CCDC102B: variants seen among roughly 807,000 people sequenced by gnomAD.
CCDC102B encodes the protein coiled-coil domain-containing protein 102B.
Under a neutral mutation model 57.4 loss-of-function variants are expected in CCDC102B, and 75 were observed. That is an observed-to-expected ratio of 1.31 (90% CI 1.08 to 1.58). The LOEUF (loss-of-function observed/expected upper bound fraction) is 1.58, where lower values mean the gene tolerates loss of function less well. Ranked by LOEUF, CCDC102B falls within the 40% of genes most tolerant of loss-of-function variation. The probability of loss-of-function intolerance (pLI) is 0.00; values close to 1 mark genes in which losing one functional copy is unlikely to be tolerated. For missense variants in CCDC102B, 636 were observed against 582.6 expected (o/e 1.09, Z -0.94); for synonymous variants, 206 against 201.9 (o/e 1.02, Z -0.17).
intron 2 of CCDC102B, among the ~76,000 whole-genome samples, chr18:68,790,327 G>A (rs1227120975): frequency 2.0e-5 from 3 of 151,658 alleles, no homozygotes; most frequent in African/African-American, 7.3e-5. Context: ...ACAGAGGCAG[G>A]CAGGCCTCCT....
intron 1 of CCDC102B, among the ~76,000 whole-genome samples, chr18:68,832,386 T>C (rs1019716942): frequency 6.6e-6 from 1 of 152,140 alleles, no homozygotes; most frequent in African/African-American, 2.4e-5. Context: ...GTTAGTTTGG[T>C]TTATTGTTTA....
At chr18:68,795,221 C>T (rs1302609078), upstream of CCDC102B, among the ~76,000 whole-genome samples, 1 of 151,896 alleles carries the variant, frequency 6.6e-6, no homozygotes, top group Non-Finnish European at 1.5e-5. Flanking sequence ...ATTGAGATTA[C>T]AAGATACAGT....
At chr18:68,932,512 T>C (rs543481793) in intron 6 of CCDC102B, among the ~76,000 whole-genome samples, 1 of 152,012 alleles carries the variant, frequency 6.6e-6, no homozygotes, top group South Asian at 2.1e-4. Flanking sequence ...TTAAAATGCA[T>C]CCTTGGTGTA....
At chr18:68,988,615 C>T (rs1366145272) in intron 6 of CCDC102B, among the ~76,000 whole-genome samples, 2 of 151,280 alleles carry the variant, frequency 1.3e-5, no homozygotes, top group Middle Eastern at 3.4e-3. Flanking sequence ...AGAATGAACT[C>T]GGAAATATAA....
At chr18:68,958,266 A>G (rs1033111163) in intron 6 of CCDC102B, among the ~76,000 whole-genome samples, 1 of 152,210 alleles carries the variant, frequency 6.6e-6, no homozygotes, top group African/African-American at 2.4e-5. Context: ...ATATCATGTC[A>G]TATGGAAATG....
chr18:68,715,730 A>T (rs2031919554), intron 1 of CCDC102B: 1 of 152,180 alleles, frequency 6.6e-6, no homozygotes, highest in South Asian at 2.1e-4. Context: ...AGTATGAAAT[A>T]TTTATATTGC....
intron 1 of CCDC102B, among the ~76,000 whole-genome samples, chr18:68,810,672 T>G (rs2036210507): frequency 2.1e-5 from 2 of 94,870 alleles, no homozygotes; most frequent in Admixed American, 1.4e-4. Flanking sequence ...TTTTCTTTTC[T>G]TTTCTTTGTT....
chr18:68,896,773 GAGAGAT>G (rs1342280127), intron 5 of CCDC102B, among the ~76,000 whole-genome samples: 4 of 151,838 alleles, frequency 2.6e-5, no homozygotes, highest in Admixed American at 1.3e-4. Context: ...TAGAGAGATA[GAGAGAT>G]AGAGATAGAG....
chr18:68,915,568 C>T (rs1277766750), intron 6 of CCDC102B, among the ~76,000 whole-genome samples: 1 of 151,980 alleles, frequency 6.6e-6, no homozygotes, highest in Non-Finnish European at 1.5e-5. Context: ...TTTTGAAATC[C>T]AGATTTGTCC....
Position 68,861,263 on chromosome 18 carries a change from A to T in CCDC102B, c.937-13406A>T, listed in dbSNP as rs544809624. ...TTTTGACGACTACCGTGCTTATTTT[A>T]TCACTTGTGCTTTTTTTCTGGAGCA... is the stretch of plus-strand genomic sequence containing the variant. On this transcript the variant is annotated intron_variant, in intron 4 of 7. Transcript: ENST00000360242. 2.7e-5 allele frequency among the ~76,000 whole-genome samples: 4 copies of T among 150,770 alleles called. No individual in the cohort carries two copies. In the East Asian group the frequency reaches 8.0e-4, roughly 30 times the overall value.
intron 7 of CCDC102B, among the ~76,000 whole-genome samples, chr18:69,018,929 A>G (rs1181962298): frequency 2.6e-5 from 4 of 151,942 alleles, no homozygotes; most frequent in South Asian, 2.1e-4. Context: ...TTCTGAGGTT[A>G]TTTTTGTGTG....
At chr18:68,891,001 T>C (rs1285793231) in intron 5 of CCDC102B, among the ~76,000 whole-genome samples, 1 of 152,212 alleles carries the variant, frequency 6.6e-6, no homozygotes, top group Non-Finnish European at 1.5e-5. Context: ...AATGTAGCTG[T>C]AAATGTTTTA....
At chr18:68,929,808 A>G (rs556828654) in intron 6 of CCDC102B, among the ~76,000 whole-genome samples, 49 of 151,282 alleles carry the variant, frequency 3.2e-4, no homozygotes, top group African/African-American at 1.2e-3. Flanking sequence ...CAAATTACAT[A>G]CTTTAAGTAT....
intron 2 of CCDC102B, among the ~76,000 whole-genome samples, chr18:68,765,293 AAAGGAAGGAAGGAAGG>A (rs149557152): frequency 2.4e-3 from 252 of 104,166 alleles, no homozygotes; most frequent in Middle Eastern, 0.01. Context: ...GAAAAGAAAG[AAAGGAAGGAAGGAAGG>A]AAGGAAGGAA....
At chr18:68,961,658 A>T (rs953451698) in intron 6 of CCDC102B, among the ~76,000 whole-genome samples, 1 of 152,090 alleles carries the variant, frequency 6.6e-6, no homozygotes, top group Non-Finnish European at 1.5e-5. Flanking sequence ...TTTGAAATGA[A>T]TAACAAAGCT....
At chr18:68,810,343 A>T (rs749395965) in intron 1 of CCDC102B, among the ~76,000 whole-genome samples, 45 of 152,186 alleles carry the variant, frequency 3.0e-4, no homozygotes, top group Admixed American at 7.9e-4. Context: ...ATTTGCATAT[A>T]CACACTCAGC....
At chr18:68,848,035 T>A (rs1176341530) in intron 4 of CCDC102B, among the ~76,000 whole-genome samples, 4 of 151,804 alleles carry the variant, frequency 2.6e-5, no homozygotes, top group East Asian at 3.8e-4. Flanking sequence ...GTGAAATTTT[T>A]AAAAATGTTT....
chr18:68,787,342 TA>T (rs2035252457), intron 2 of CCDC102B, among the ~76,000 whole-genome samples: 1 of 151,944 alleles, frequency 6.6e-6, no homozygotes, highest in African/African-American at 2.4e-5. Flanking sequence ...GCTGGCCTCA[TA>T]AAATGAGTTA....
chr18:68,948,681 C>T (rs575909481), intron 6 of CCDC102B, among the ~76,000 whole-genome samples: 5 of 152,140 alleles, frequency 3.3e-5, no homozygotes, highest in African/African-American at 1.2e-4. Context: ...CTCTATTATG[C>T]CTGTTCACTC....
Sources: allele counts gnomAD v4.1 joint callset (sites outside exome capture counted in the v4.1 genomes callset), GRCh38; gene constraint gnomAD v4.1.1; transcripts MANE v1.5; gene names NCBI Gene and HGNC (gene_info 2026-07-23, HGNC 2026-07-21).